The following POC5 variants were observed in gnomAD, a reference collection of about 807,000 sequenced individuals.
The protein encoded by POC5 is centrosomal protein POC5.
A neutral mutation model predicts 62.9 loss-of-function variants in POC5; 48 were observed. That is an observed-to-expected ratio of 0.76 (90% CI 0.61 to 0.97). The LOEUF (loss-of-function observed/expected upper bound fraction) is 0.97. Among genes scored for constraint, POC5 ranks in the 50% least tolerant of loss-of-function variants. POC5 has a pLI of 0.00. For missense variants in POC5, 696 were observed against 679.5 expected, an observed-to-expected ratio of 1.02 and a Z score of -0.27; for synonymous variants, 236 against 228.2, an observed-to-expected ratio of 1.03 and a Z score of -0.31.
chr5:75,690,237 A>T, intron 8 of POC5, 146 bp downstream of exon 8: 1 of 812,430 alleles, frequency 1.2e-6, no homozygotes, highest in Non-Finnish European at 1.9e-6. Flanking sequence ...TACAATAAAC[A>T]TTAAATTAAC....
At position 75,690,526 on chromosome 5, in the gene POC5, T is replaced by C; in HGVS notation, c.832A>G (p.Arg278Gly). 6.3e-7 allele frequency: 1 copy of C among 1,598,496 alleles called. No homozygotes were observed. The highest frequency in any genetic ancestry group is 2.2e-5 in the East Asian group (1 of 44,646). The change falls in exon 8 of 12, where the codon AGA becomes GGA. Residue 278 changes from arginine to glycine, a missense_variant. Physicochemically the swap from Arg to Gly is moderately radical, Grantham distance 125. Transcript: ENST00000428202. ...TTCCAGACTTTCTTCAGTAAAGTTC[T>C]CTGGTAGTACTGGTCAGCTAGTTTA... is the stretch of plus-strand genomic sequence containing the variant. Reference protein sequence around the residue: ...EGKLADQYYQRTLLKKVWKVW... With the variant: ...EGKLADQYYQGTLLKKVWKVW...
Position 75,694,851 on chromosome 5 carries a change from A to G in POC5, c.514-20T>C. ...GTTTGTCTGAAAAATTAATATAGTG[A>G]CAATTAAGTAGTTTGTTCGTTAATA... On this transcript the variant is annotated intron_variant, in intron 5 of 11. Coordinates refer to ENST00000428202, the MANE Select transcript of POC5 (RefSeq NM_001099271.2). 6.9e-7 allele frequency: 1 copy of G among 1,457,894 alleles called. No homozygotes were observed. The allele number at this position is 1,457,894 out of a possible 1,614,324, so 90.3% of individuals were successfully genotyped here.
At chr5:75,692,880 A>G (rs1483441113) in intron 6 of POC5, among the ~76,000 whole-genome samples, 3 of 151,968 alleles carry the variant, frequency 2.0e-5, no homozygotes, top group Non-Finnish European at 4.4e-5. Context: ...ATATTTAGAT[A>G]TTTAAATATC....
At chr5:75,686,459 G>C (rs1776102230) in intron 9 of POC5, among the ~76,000 whole-genome samples, 1 of 152,172 alleles carries the variant, frequency 6.6e-6, no homozygotes. Flanking sequence ...AATTTGCAGA[G>C]TATTAGTTAG....
In POC5 at chr5:75,685,349, G is replaced by A. The variant is rs1299511014; in HGVS notation, c.1265C>T (p.Ala422Val). ...VTSPLLPSPP[A>V]AVGGASATAV... Reference sequence around the variant, plus strand: ...AGTCGCGCTGGCTCCTCCGACGGCGGCTGGTGGGGATGGCAGCAGTGGTGA... The same window carrying A: ...AGTCGCGCTGGCTCCTCCGACGGCGACTGGTGGGGATGGCAGCAGTGGTGA... The change falls in exon 10 of 12, where the codon GCC becomes GTC. Residue 422 changes from alanine to valine, a missense_variant. Ala to Val is a moderately conservative substitution (Grantham distance 64, BLOSUM62 0). Transcript: ENST00000428202. The A allele has an allele frequency of 6.2e-6, 10 of 1,614,040 alleles. No homozygotes were observed. The highest frequency in any genetic ancestry group is 8.5e-6 in the Non-Finnish European group (10 of 1,179,904).
intron 11 of POC5, among the ~76,000 whole-genome samples, chr5:75,676,148 T>C (rs999690371): frequency 2.0e-5 from 3 of 152,190 alleles, no homozygotes; most frequent in Non-Finnish European, 4.4e-5. Flanking sequence ...ATTCCCATCA[T>C]TACTACAAAA....
rs192862434 is a variant in POC5, at chr5:75,686,842, G to A, written c.1130-1358C>T. Among the ~76,000 whole-genome samples the A allele has an allele frequency of 7.8e-3, 1,187 of 151,992 alleles. 9 individuals are homozygous for A. Among genetic ancestry groups the A allele is most frequent in the Middle Eastern group, 0.041 (12 of 294 alleles). ...TAAAATTGGCAGATATAATTTTAAGGACTTTTTGTCATGTTCTAACTTCTT... is the reference window on the plus strand; with the variant it reads ...TAAAATTGGCAGATATAATTTTAAGAACTTTTTGTCATGTTCTAACTTCTT... On this transcript the variant is annotated intron_variant, in intron 9 of 11. Coordinates refer to ENST00000428202, the MANE Select transcript of POC5 (RefSeq NM_001099271.2).
intron 9 of POC5, among the ~76,000 whole-genome samples, chr5:75,686,246 GT>G (rs1171541941): frequency 1.3e-5 from 2 of 152,142 alleles, no homozygotes; most frequent in Non-Finnish European, 2.9e-5. Context: ...TTATAATTTG[GT>G]TAGTTTCTGC....
chr5:75,674,321 A>G lies in POC5; in HGVS notation c.*114T>C. The G allele has an allele frequency of 9.4e-7, 1 of 1,062,764 alleles. No individual in the cohort carries two copies. Among genetic ancestry groups the G allele is most frequent in the East Asian group, 2.5e-5 (1 of 39,832 alleles). 65.8% of individuals were successfully genotyped at this position (1,062,764 alleles called of 1,614,324 possible). On this transcript the variant is annotated 3_prime_UTR_variant, in exon 12 of 12. Transcript: ENST00000428202. ...AAAAGCCTCTTGTAATTTTGAACAGATGAACATGATGTCTCCATGATGTTC... is the reference window on the plus strand; with the variant it reads ...AAAAGCCTCTTGTAATTTTGAACAGGTGAACATGATGTCTCCATGATGTTC...
At chr5:75,697,499 C>A (rs1313454394) in intron 5 of POC5, among the ~76,000 whole-genome samples, 1 of 152,010 alleles carries the variant, frequency 6.6e-6, no homozygotes, top group Non-Finnish European at 1.5e-5. Flanking sequence ...TACAGACAAG[C>A]AAAGCTGAGA....
intron 11 of POC5, among the ~76,000 whole-genome samples, chr5:75,677,283 T>G (rs1775703670): frequency 6.6e-6 from 1 of 152,188 alleles, no homozygotes; most frequent in Non-Finnish European, 1.5e-5. Flanking sequence ...TTACTGCAAG[T>G]TGAATTTTGT....
chr5:75,706,761 G>C (rs1022825972), intron 3 of POC5, among the ~76,000 whole-genome samples: 1 of 151,970 alleles, frequency 6.6e-6, no homozygotes, highest in Non-Finnish European at 1.5e-5. Context: ...ATGTTGCCTA[G>C]GCTTGTCTCA....
intron 11 of POC5, among the ~76,000 whole-genome samples, chr5:75,677,318 G>C (rs1205023653): frequency 6.6e-6 from 1 of 152,022 alleles, no homozygotes; most frequent in Non-Finnish European, 1.5e-5. Context: ...GCTGACAATT[G>C]TACTGAAAAA....
At chr5:75,692,315 A>G in intron 7 of POC5, 81 bp downstream of exon 7, 1 of 923,772 alleles carries the variant, frequency 1.1e-6, no homozygotes, top group Admixed American at 3.0e-5. Context: ...CTTATTAGAA[A>G]ACAACTATAA....
intron 10 of POC5, among the ~76,000 whole-genome samples, chr5:75,684,643 G>C (rs991969467): frequency 6.6e-6 from 1 of 152,062 alleles, no homozygotes. Context: ...GATTACAGGC[G>C]TGAGCCACCG....
chr5:75,712,272 C>A, intron 2 of POC5: 3 of 1,322,176 alleles, frequency 2.3e-6, no homozygotes, highest in Admixed American at 1.7e-5. Context: ...TATTTAAAAT[C>A]TACTCCAGAA....
intron 4 of POC5, 65 bp from the exon 5 acceptor site, chr5:75,702,875 A>G: frequency 7.7e-7 from 1 of 1,301,858 alleles, no homozygotes; most frequent in African/African-American, 1.5e-5. Context: ...GTAAGGAACC[A>G]TACTGGAAGG....
intron 10 of POC5, among the ~76,000 whole-genome samples, chr5:75,679,633 GA>G (rs1363853023): frequency 3.3e-5 from 5 of 151,994 alleles, no homozygotes; most frequent in Admixed American, 3.3e-4. Flanking sequence ...TTAATTCTAA[GA>G]ACAAAACATT....
At chr5:75,694,598 A>T in intron 6 of POC5, 57 bp downstream of exon 6, 1 of 1,286,558 alleles carries the variant, frequency 7.8e-7, no homozygotes. Flanking sequence ...CTTAGAATTT[A>T]TTATCTAGCA....
Sources: gnomAD v4.1 joint callset for allele counts (sites outside exome capture counted in the v4.1 genomes callset) on GRCh38, gnomAD v4.1.1 for gene constraint, MANE v1.5 for transcripts, NCBI Gene and HGNC (gene_info 2026-07-23, HGNC 2026-07-21) for gene names.